UBE2G1: variants seen among roughly 807,000 people sequenced by gnomAD.
The protein encoded by UBE2G1 is ubiquitin-conjugating enzyme E2 G1.
A neutral mutation model predicts 22.7 loss-of-function variants in UBE2G1; 5 were observed. The observed-to-expected ratio is 0.22, with a 90% CI of 0.12 to 0.46. The LOEUF is 0.46. Among genes scored for constraint, UBE2G1 ranks in the 20% least tolerant of loss-of-function variants. UBE2G1 has a pLI of 0.99. For missense variants in UBE2G1, 88 were observed against 203.9 expected, an observed-to-expected ratio of 0.43 and a Z score of 3.46; for synonymous variants, 74 against 67.5, an observed-to-expected ratio of 1.10 and a Z score of -0.47.
At chr17:4,339,534 C>A (rs1348140686) in intron 1 of UBE2G1, among the ~76,000 whole-genome samples, 2 of 152,076 alleles carry the variant, frequency 1.3e-5, no homozygotes, top group Non-Finnish European at 2.9e-5. Flanking sequence ...AAACTCCTTA[C>A]CCTCAGATGA....
At chr17:4,354,777 ATTTT>A (rs989559262) in intron 1 of UBE2G1, among the ~76,000 whole-genome samples, 1 of 151,872 alleles carries the variant, frequency 6.6e-6, no homozygotes, top group Non-Finnish European at 1.5e-5. Context: ...CCAAAAAAAA[ATTTT>A]TTTTAATTTG....
chr17:4,340,109 A>G (rs1969694746), intron 1 of UBE2G1, among the ~76,000 whole-genome samples: 1 of 152,012 alleles, frequency 6.6e-6, no homozygotes, highest in Non-Finnish European at 1.5e-5. Flanking sequence ...TTGTAGAGAC[A>G]GGGTCTCCCC....
chr17:4,302,086 T>C (rs1969188136), intron 2 of UBE2G1: 4 of 521,564 alleles, frequency 7.7e-6, no homozygotes, highest in Non-Finnish European at 7.8e-6. Flanking sequence ...GTAAAGGATT[T>C]CTCCTTACCC....
intron 1 of UBE2G1, among the ~76,000 whole-genome samples, chr17:4,309,176 C>G (rs1969280028): frequency 6.6e-6 from 1 of 152,324 alleles, no homozygotes; most frequent in East Asian, 1.9e-4. Flanking sequence ...AGGAGGATCA[C>G]TTGAACTGGA....
At chr17:4,283,585 A>C (rs1968922270) in intron 4 of UBE2G1, among the ~76,000 whole-genome samples, 1 of 152,188 alleles carries the variant, frequency 6.6e-6, no homozygotes, top group South Asian at 2.1e-4. Context: ...AAGTGTCTGC[A>C]ACATAAGGTA....
rs533510690 is a variant in UBE2G1, at chr17:4,360,850, T to G, written c.46+5421A>C. ...CACTTGAACCTGGGGAGGCGGAGGT[T>G]GTGGTGAGCCTAGATCATGCCATTG... On this transcript the variant is annotated intron_variant, in intron 1 of 5. Coordinates refer to ENST00000396981, the MANE Select transcript of UBE2G1 (RefSeq NM_003342.5). Among the ~76,000 whole-genome samples, 12 of 152,142 alleles carry G rather than the reference T, an allele frequency of 7.9e-5. No individual in the cohort carries two copies. The South Asian group carries it at 2.5e-3, about 32-fold the overall frequency.
intron 2 of UBE2G1, among the ~76,000 whole-genome samples, chr17:4,299,128 G>A (rs762879204): frequency 1.3e-5 from 2 of 152,136 alleles, no homozygotes; most frequent in African/African-American, 2.4e-5. Flanking sequence ...TTTATCACAA[G>A]TAGTTTCAGT....
chr17:4,280,934 C>CA (rs1968881433), intron 5 of UBE2G1, among the ~76,000 whole-genome samples: 2 of 152,018 alleles, frequency 1.3e-5, no homozygotes, highest in Non-Finnish European at 2.9e-5. Flanking sequence ...CACCTGGCCA[C>CA]AAAGGGGATC....
At chr17:4,352,462 T>C (rs1969855781) in intron 1 of UBE2G1, among the ~76,000 whole-genome samples, 1 of 152,204 alleles carries the variant, frequency 6.6e-6, no homozygotes, top group Non-Finnish European at 1.5e-5. Flanking sequence ...CTATTGCAAA[T>C]AAGTGAAACT....
chr17:4,366,162 C>G, intron 1 of UBE2G1, 109 bp downstream of exon 1: 1 of 1,218,868 alleles, frequency 8.2e-7, no homozygotes, highest in Non-Finnish European at 1.1e-6. Flanking sequence ...CCCTCGCAGG[C>G]CCGGGCCCCT....
At chr17:4,281,521 C>T (rs1598178698) in intron 5 of UBE2G1, among the ~76,000 whole-genome samples, 3 of 152,070 alleles carry the variant, frequency 2.0e-5, no homozygotes, top group South Asian at 2.1e-4. Context: ...CAGTGTATTT[C>T]GGTTTCTCCC....
chr17:4,296,680 A>T, intron 3 of UBE2G1, 37 bp downstream of exon 3: 2 of 1,585,090 alleles, frequency 1.3e-6, no homozygotes, highest in Non-Finnish European at 1.7e-6. Context: ...CAGGCCATCA[A>T]ATCTGCAAAT....
At chr17:4,290,312 T>C (rs1451095327) in intron 3 of UBE2G1, among the ~76,000 whole-genome samples, 1 of 152,228 alleles carries the variant, frequency 6.6e-6, no homozygotes, top group Non-Finnish European at 1.5e-5. Context: ...GTCTAACAAA[T>C]TTGTGAATAA....
At chr17:4,304,626 AG>A (rs1969227533) in intron 2 of UBE2G1, among the ~76,000 whole-genome samples, 2 of 152,276 alleles carry the variant, frequency 1.3e-5, no homozygotes, top group Non-Finnish European at 2.9e-5. Context: ...TGACTACATG[AG>A]GGCTAATGAT....
intron 1 of UBE2G1, among the ~76,000 whole-genome samples, chr17:4,323,404 T>G (rs898816930): frequency 6.6e-6 from 1 of 152,142 alleles, no homozygotes; most frequent in Non-Finnish European, 1.5e-5. Flanking sequence ...CAAAACTCCT[T>G]TAATTAAGGA....
At chr17:4,360,573 CTA>C (rs1969955084) in intron 1 of UBE2G1, among the ~76,000 whole-genome samples, 1 of 152,244 alleles carries the variant, frequency 6.6e-6, no homozygotes. Flanking sequence ...AATTTCACAA[CTA>C]TATATGGAAA....
chr17:4,299,608 C>T (rs1236245379), intron 2 of UBE2G1, among the ~76,000 whole-genome samples: 1 of 152,090 alleles, frequency 6.6e-6, no homozygotes, highest in African/African-American at 2.4e-5. Context: ...CTGACTTAGA[C>T]CCTCTAAATT....
intron 5 of UBE2G1, among the ~76,000 whole-genome samples, chr17:4,275,626 C>A (rs573980108): frequency 6.6e-6 from 1 of 152,178 alleles, no homozygotes; most frequent in African/African-American, 2.4e-5. Flanking sequence ...ATAAAACAGA[C>A]CAATGTGCTC....
chr17:4,333,804 G>C (rs1305097196), intron 1 of UBE2G1, among the ~76,000 whole-genome samples: 1 of 152,004 alleles, frequency 6.6e-6, no homozygotes, highest in African/African-American at 2.4e-5. Context: ...GGGTGACACA[G>C]TGAGACTCCG....
Sources: allele counts gnomAD v4.1 joint callset (sites outside exome capture counted in the v4.1 genomes callset), GRCh38; gene constraint gnomAD v4.1.1; transcripts MANE v1.5; gene names NCBI Gene and HGNC (gene_info 2026-07-23, HGNC 2026-07-21).